The following RBFOX3 variants were observed in gnomAD, a reference collection of about 807,000 sequenced individuals.
RBFOX3 encodes the protein RNA binding protein fox-1 homolog 3.
In RBFOX3, 17 loss-of-function variants were observed where a neutral mutation model predicts 48.7. The observed-to-expected ratio is 0.35, with a 90% CI of 0.24 to 0.52. The LOEUF is 0.52. Among genes scored for constraint, RBFOX3 ranks in the 20% least tolerant of loss-of-function variants. The probability of loss-of-function intolerance (pLI) is 0.94; values close to 1 mark genes in which losing one functional copy is unlikely to be tolerated. For synonymous variants in RBFOX3, 212 were observed against 209.5 expected (o/e 1.01, Z -0.10); for missense variants, 382 against 497.5 (o/e 0.77, Z 2.21).
At chr17:79,505,845 C>T (rs1249082320) in intron 1 of RBFOX3, among the ~76,000 whole-genome samples, 1 of 152,196 alleles carries the variant, frequency 6.6e-6, no homozygotes, top group Non-Finnish European at 1.5e-5. Flanking sequence ...AGGCACGATG[C>T]TGAATGCATA....
At chr17:79,162,027 C>A (rs1458038741) in intron 4 of RBFOX3, among the ~76,000 whole-genome samples, 1 of 152,118 alleles carries the variant, frequency 6.6e-6, no homozygotes. Context: ...ATTACAAAAC[C>A]GCTCACAGAC....
At chr17:79,536,946 A>C (rs1445066171) in intron 1 of RBFOX3, among the ~76,000 whole-genome samples, 1 of 152,040 alleles carries the variant, frequency 6.6e-6, no homozygotes, top group African/African-American at 2.4e-5. Flanking sequence ...TTAGCTGGGC[A>C]TGGTGGCGAG....
At chr17:79,487,772 G>A (rs1436999630) in intron 1 of RBFOX3, among the ~76,000 whole-genome samples, 1 of 151,990 alleles carries the variant, frequency 6.6e-6, no homozygotes, top group Non-Finnish European at 1.5e-5. Context: ...TTAGCCAGGT[G>A]TGGTGGCAGG....
intron 4 of RBFOX3, among the ~76,000 whole-genome samples, chr17:79,141,861 C>T (rs2041989850): frequency 6.6e-6 from 1 of 152,190 alleles, no homozygotes; most frequent in Non-Finnish European, 1.5e-5. Flanking sequence ...TATAAGAACC[C>T]TGCTGCCTGG....
At chr17:79,134,687 C>T (rs1249771600) in intron 4 of RBFOX3, among the ~76,000 whole-genome samples, 1 of 152,190 alleles carries the variant, frequency 6.6e-6, no homozygotes, top group African/African-American at 2.4e-5. Flanking sequence ...CAGTTGGCAC[C>T]CTGACCGTGT....
chr17:79,221,369 G>A (rs1567866409), intron 4 of RBFOX3, among the ~76,000 whole-genome samples: 1 of 152,254 alleles, frequency 6.6e-6, no homozygotes, highest in East Asian at 1.9e-4. Flanking sequence ...CCCAGAGGCC[G>A]GTTAGTGTTG....
intron 2 of RBFOX3, among the ~76,000 whole-genome samples, chr17:79,349,172 G>T (rs1041287304): frequency 2.0e-5 from 3 of 151,980 alleles, no homozygotes; most frequent in Non-Finnish European, 4.4e-5. Context: ...CAAGTTTCCT[G>T]CTTGGAGTCC....
chr17:79,148,923 G>A (rs1349697565), intron 4 of RBFOX3, among the ~76,000 whole-genome samples: 16 of 152,198 alleles, frequency 1.1e-4, no homozygotes, highest in Non-Finnish European at 1.3e-4. Context: ...GGGATGGAGG[G>A]GGACAGCCTG....
Position 79,170,140 on chromosome 17 carries a change from G to GGGAAGGAA in RBFOX3, c.-33-54400_-33-54393dup, listed in dbSNP as rs752718090. ...GAAGGAAGGAAGGAAGGAGGAAGGAGGGAAGGAAGGAAGGGAGGAGGAAGG... is the reference window on the plus strand; with the variant it reads ...GAAGGAAGGAAGGAAGGAGGAAGGAGGGAAGGAAGGAAGGAAGGAAGGGAGGAGGAAGG... On this transcript the variant is annotated intron_variant, in intron 4 of 14. Coordinates refer to ENST00000693108, the MANE Select transcript of RBFOX3 (RefSeq NM_001350451.2). Among the ~76,000 whole-genome samples the GGGAAGGAA allele has an allele frequency of 7.4e-3, 912 of 123,240 alleles. 12 individuals are homozygous for GGGAAGGAA. Among genetic ancestry groups the GGGAAGGAA allele is most frequent in the African/African-American group, 0.034 (864 of 25,108 alleles). The allele number at this position is 123,240 out of a possible 152,430, so 80.9% of individuals were successfully genotyped here. A position where few individuals can be genotyped will look rare whatever the true frequency, so the allele number is the denominator to read the frequency against.
chr17:79,270,208 C>T (rs1337714797), intron 3 of RBFOX3, among the ~76,000 whole-genome samples: 2 of 152,324 alleles, frequency 1.3e-5, no homozygotes, highest in East Asian at 3.9e-4. Context: ...TTCCCAACTC[C>T]TCTGCCAGGG....
intron 2 of RBFOX3, among the ~76,000 whole-genome samples, chr17:79,360,014 C>T (rs922952946): frequency 1.3e-5 from 2 of 151,640 alleles, no homozygotes; most frequent in African/African-American, 2.4e-5. Flanking sequence ...GCGTGAGCTC[C>T]CATGCCCGGC....
the RBFOX3 span, among the ~76,000 whole-genome samples, chr17:79,624,368 G>A: frequency 6.6e-6 from 1 of 152,128 alleles, no homozygotes; most frequent in Non-Finnish European, 1.5e-5. Flanking sequence ...AAGGGAGGGA[G>A]GCTGGGGAAG....
intron 2 of RBFOX3, among the ~76,000 whole-genome samples, chr17:79,425,645 C>T (rs1361142464): frequency 1.3e-5 from 2 of 152,184 alleles, no homozygotes; most frequent in Non-Finnish European, 1.5e-5. Flanking sequence ...AACCTTGGGG[C>T]GGCACTCACA....
rs538905615 is a variant in RBFOX3 at position 79,178,314 on chromosome 17, G to C, written c.-34+57452C>G. 1.4e-4 allele frequency among the ~76,000 whole-genome samples: 22 copies of C among 152,344 alleles called. No individual in the cohort carries two copies. In the South Asian group the frequency reaches 4.1e-3, roughly 29 times the overall value. ...GGGTGTCAGGGTTCAGGGGAGATCA[G>C]GCTAAAGACTTGCAGGAAAAGCCAA... On this transcript the variant is annotated intron_variant, in intron 4 of 14. Coordinates refer to ENST00000693108, the MANE Select transcript of RBFOX3 (RefSeq NM_001350451.2).
intron 4 of RBFOX3, among the ~76,000 whole-genome samples, chr17:79,176,298 T>C (rs2050526540): frequency 6.6e-6 from 1 of 152,186 alleles, no homozygotes; most frequent in Admixed American, 6.5e-5. Flanking sequence ...TGCCCTTCTG[T>C]GGCTGTCGGG....
At chr17:79,403,929 G>A (rs190542260) in intron 2 of RBFOX3, among the ~76,000 whole-genome samples, 152 of 152,016 alleles carry the variant, frequency 1.0e-3, no homozygotes, top group Non-Finnish European at 5.3e-4. Context: ...ACAGGCGCCC[G>A]CCACCACGCC....
chr17:79,340,297 T>TC (rs2081868828), intron 2 of RBFOX3, among the ~76,000 whole-genome samples: 1 of 75,504 alleles, frequency 1.3e-5, no homozygotes, highest in Non-Finnish European at 3.9e-5. Context: ...AGACTCCATC[T>TC]CAAAAAAAAA....
At chr17:79,167,204 G>C (rs1365150491) in intron 4 of RBFOX3, among the ~76,000 whole-genome samples, 1 of 152,230 alleles carries the variant, frequency 6.6e-6, no homozygotes, top group African/African-American at 2.4e-5. Context: ...ACAGTGCCAG[G>C]CACATGGCCA....
rs558377360 is a variant in RBFOX3, at chr17:79,537,986, T to A, written c.-319-55388A>T. Among the ~76,000 whole-genome samples the A allele has an allele frequency of 3.5e-4, 53 of 151,548 alleles. 1 individual carries two copies. The highest frequency in any genetic ancestry group is 1.1e-3 in the African/African-American group (45 of 41,254). On this transcript the variant is annotated intron_variant, in intron 1 of 14. Coordinates refer to ENST00000693108, the MANE Select transcript of RBFOX3 (RefSeq NM_001350451.2). ...ACGTGCACTGGGTGCTGTGGTGGGG[T>A]TGGGGGCAGGGGTGCTGGTGAGGGC...
Sources: allele counts gnomAD v4.1 joint callset (sites outside exome capture counted in the v4.1 genomes callset), GRCh38; gene constraint gnomAD v4.1.1; transcripts MANE v1.5; gene names NCBI Gene and HGNC (gene_info 2026-07-23, HGNC 2026-07-21).